ANOS1: variants seen among roughly 807,000 people sequenced by gnomAD.
ANOS1 encodes the protein anosmin 1.
In ANOS1, 6 loss-of-function variants were observed where a neutral mutation model predicts 59.0. The observed-to-expected ratio is 0.10, with a 90% CI of 0.06 to 0.20. The LOEUF (loss-of-function observed/expected upper bound fraction) is 0.20, where lower values mean the gene tolerates loss of function less well. Ranked by LOEUF, ANOS1 falls within the 10% of genes least tolerant of loss-of-function variation. The probability of loss-of-function intolerance (pLI) is 1.00; values close to 1 mark genes in which losing one functional copy is unlikely to be tolerated. For synonymous variants in ANOS1, 217 were observed against 223.4 expected, an observed-to-expected ratio of 0.97 and a Z score of 0.25; for missense variants, 433 against 542.3, an observed-to-expected ratio of 0.80 and a Z score of 2.00.
chrX:8,543,370 T>G (rs1231832000), intron 9 of ANOS1, among the ~76,000 whole-genome samples: 1 of 107,449 alleles, frequency 9.3e-6, no homozygotes, highest in African/African-American at 3.4e-5. Flanking sequence ...AAATGACCAG[T>G]ATGGGGACTA....
intron 8 of ANOS1, among the ~76,000 whole-genome samples, chrX:8,554,964 A>T (rs1929926334): frequency 9.0e-6 from 1 of 111,180 alleles, no homozygotes; most frequent in Non-Finnish European, 1.9e-5. Context: ...TCTAAAATTG[A>T]CCATGTAATT....
chrX:8,538,549 T>C (rs1203268881), intron 10 of ANOS1, among the ~76,000 whole-genome samples: 1 of 111,629 alleles, frequency 9.0e-6, no homozygotes, highest in East Asian at 2.8e-4. Flanking sequence ...ATAAGCCCAG[T>C]TCTGTAAGGT....
intron 3 of ANOS1, among the ~76,000 whole-genome samples, chrX:8,619,727 T>A (rs1931256128): frequency 8.9e-6 from 1 of 112,371 alleles, no homozygotes; most frequent in South Asian, 3.7e-4. Context: ...GAGATCACGA[T>A]ATGAGAATGA....
intron 9 of ANOS1, among the ~76,000 whole-genome samples, chrX:8,542,293 C>T (rs1036235115): frequency 8.9e-6 from 1 of 111,771 alleles, no homozygotes; most frequent in Non-Finnish European, 1.9e-5. Context: ...TTGATTTCTG[C>T]ACCTCAACTG....
At chrX:8,637,740 A>T (rs966895558) in intron 2 of ANOS1, among the ~76,000 whole-genome samples, 2 of 112,575 alleles carry the variant, frequency 1.8e-5, no homozygotes, top group Non-Finnish European at 3.8e-5. Context: ...TTCAACATCC[A>T]TCACACCCAC....
chrX:8,621,357 A>AT (rs1931290631), intron 3 of ANOS1, among the ~76,000 whole-genome samples: 1 of 110,255 alleles, frequency 9.1e-6, no homozygotes, highest in Non-Finnish European at 1.9e-5. Flanking sequence ...CCGAAAAAAA[A>AT]AAAAGATTCT....
rs1409698671 is a variant in ANOS1 at position 8,531,224 on chromosome X, G to A, written c.*1771C>T. Reference sequence around the variant, plus strand: ...AAATGGGTTTCAATATCTATTATCAGGTATCCATGTTTATAAATGTGTTTC... The same window carrying A: ...AAATGGGTTTCAATATCTATTATCAAGTATCCATGTTTATAAATGTGTTTC... On this transcript the variant is annotated 3_prime_UTR_variant, in exon 14 of 14. Coordinates refer to ENST00000262648, the MANE Select transcript of ANOS1 (RefSeq NM_000216.4). The A allele has an allele frequency of 9.1e-6, 1 of 110,293 alleles. No homozygotes were observed. 9.1% of individuals were successfully genotyped at this position (110,293 alleles called of 1,213,427 possible). A position where few individuals can be genotyped will look rare whatever the true frequency, so the allele number is the denominator to read the frequency against.
intron 8 of ANOS1, among the ~76,000 whole-genome samples, chrX:8,563,474 A>G (rs929123677): frequency 3.6e-5 from 4 of 112,590 alleles, no homozygotes; most frequent in Non-Finnish European, 7.5e-5. Flanking sequence ...TGGTAAAGAT[A>G]ATTCCTTTGG....
intron 2 of ANOS1, among the ~76,000 whole-genome samples, chrX:8,673,616 G>A (rs1186572675): frequency 9.0e-6 from 1 of 110,508 alleles, no homozygotes; most frequent in African/African-American, 3.3e-5. Flanking sequence ...CTCCCCTGCA[G>A]CACACACAGC....
rs1390778018 is a variant in ANOS1, at chrX:8,553,825, G to A, written c.1354+127C>T. 14 of 566,274 alleles carry A rather than the reference G, an allele frequency of 2.5e-5. No homozygotes were observed. In the Admixed American group the frequency reaches 3.8e-4, roughly 15 times the overall value. The allele number at this position is 566,274 out of a possible 1,213,427, so 46.7% of individuals were successfully genotyped here. ...TGTGAGATAACCGTCAACTCATTCA[G>A]ACTTGTGTTCAACAACCGTTTGCCT... On this transcript the variant is annotated intron_variant, in intron 9 of 13. Coordinates refer to ENST00000262648, the MANE Select transcript of ANOS1 (RefSeq NM_000216.4).
chrX:8,590,947 ACT>A lies in ANOS1; in HGVS notation c.542-2971_542-2970del, dbSNP rs1325279880. 2.7e-5 allele frequency among the ~76,000 whole-genome samples: 3 copies of A among 111,848 alleles called. No homozygotes were observed. The Admixed American group carries it at 2.9e-4, about 11-fold the overall frequency. Reference sequence around the variant, plus strand: ...GGTCTTATTACTCACATGTACATTCACTCTGTTTTTTAAAAAGATAAATACCA... The same window carrying A: ...GGTCTTATTACTCACATGTACATTCACTGTTTTTTAAAAAGATAAATACCA... On this transcript the variant is annotated intron_variant, in intron 4 of 13. Coordinates refer to ENST00000262648, the MANE Select transcript of ANOS1 (RefSeq NM_000216.4).
chrX:8,631,762 G>C (rs16985077), intron 2 of ANOS1, among the ~76,000 whole-genome samples: 12,900 of 111,098 alleles, frequency 0.12, 1,028 homozygotes, highest in African/African-American at 0.26. Flanking sequence ...ATGAATTTTA[G>C]AGAGGCAACG....
intron 2 of ANOS1, among the ~76,000 whole-genome samples, chrX:8,626,347 AT>A (rs1931393441): frequency 9.1e-6 from 1 of 109,994 alleles, no homozygotes; most frequent in Admixed American, 9.8e-5. Context: ...TCATAAAAAA[AT>A]TTTTAGATGT....
At chrX:8,547,019 C>T (rs983613725) in intron 9 of ANOS1, among the ~76,000 whole-genome samples, 1 of 111,874 alleles carries the variant, frequency 8.9e-6, no homozygotes, top group Non-Finnish European at 1.9e-5. Context: ...AATACTCTTA[C>T]ATAACTCGCC....
intron 6 of ANOS1, among the ~76,000 whole-genome samples, chrX:8,583,716 A>G (rs1207993255): frequency 8.9e-6 from 1 of 112,545 alleles, no homozygotes; most frequent in Non-Finnish European, 1.9e-5. Flanking sequence ...GACATATGCA[A>G]TGTGAATTTT....
At chrX:8,610,033 A>AAAAAAAAAAAACAACAAC (rs1287806402) in intron 3 of ANOS1, among the ~76,000 whole-genome samples, 1 of 82,705 alleles carries the variant, frequency 1.2e-5, no homozygotes, top group African/African-American at 4.9e-5. Flanking sequence ...AAAAAAAAAA[A>AAAAAAAAAAAACAACAAC]AACAACAACC....
chrX:8,619,558 T>C (rs1931251771), intron 3 of ANOS1, among the ~76,000 whole-genome samples: 1 of 110,585 alleles, frequency 9.0e-6, no homozygotes, highest in Admixed American at 9.6e-5. Context: ...AAGCTGAGAT[T>C]GCGCCACTGC....
intron 2 of ANOS1, among the ~76,000 whole-genome samples, chrX:8,668,460 T>C (rs1932198543): frequency 1.1e-5 from 1 of 91,623 alleles, no homozygotes; most frequent in South Asian, 6.0e-4. Context: ...TATATGGTAT[T>C]CCATCATATA....
At chrX:8,535,103 A>ATTT (rs139686267) in intron 12 of ANOS1, 3 of 95,189 alleles carry the variant, frequency 3.2e-5, no homozygotes, top group Non-Finnish European at 4.2e-5. Flanking sequence ...CCCACACATG[A>ATTT]TTTTTTTTTT....
Sources: allele counts gnomAD v4.1 joint callset (sites outside exome capture counted in the v4.1 genomes callset), GRCh38; gene constraint gnomAD v4.1.1; transcripts MANE v1.5; gene names NCBI Gene and HGNC (gene_info 2026-07-23, HGNC 2026-07-21).